The following ATP2B4 variants were observed in gnomAD, a reference collection of about 807,000 sequenced individuals.
ATP2B4 encodes the protein ATPase plasma membrane Ca2+ transporting 4.
A neutral mutation model predicts 110.3 loss-of-function variants in ATP2B4; 39 were observed. That is an observed-to-expected ratio of 0.35 (90% CI 0.27 to 0.46). The LOEUF (loss-of-function observed/expected upper bound fraction) is 0.46, where lower values mean the gene tolerates loss of function less well. Ranked by LOEUF, ATP2B4 falls within the 20% of genes least tolerant of loss-of-function variation. ATP2B4 has a pLI of 1.00. For missense variants in ATP2B4, 1,135 were observed against 1,530.9 expected (o/e 0.74, Z 4.32); for synonymous variants, 538 against 571.7 (o/e 0.94, Z 0.84).
rs1005572250 is a variant in ATP2B4 at position 203,712,222 on chromosome 1, G to A, written c.2211+83G>A. The A allele has an allele frequency of 1.4e-5, 20 of 1,462,332 alleles. No homozygotes were observed. The African/African-American group carries it at 2.3e-4, about 17-fold the overall frequency. 90.6% of individuals were successfully genotyped at this position (1,462,332 alleles called of 1,614,324 possible). Reference sequence around the variant, plus strand: ...GCATAAGGCATCTGGGTCATGTGCGGGAAGGTGGGTGGTTTCTAAAGTGAA... The same window carrying A: ...GCATAAGGCATCTGGGTCATGTGCGAGAAGGTGGGTGGTTTCTAAAGTGAA... On this transcript the variant is annotated intron_variant, in intron 13 of 20. Transcript: ENST00000357681.
rs755589608 is a variant in ATP2B4 at position 203,717,279 on chromosome 1, TG to T, written c.2406+3003del. On this transcript the variant is annotated intron_variant, in intron 15 of 20. Transcript: ENST00000357681. ...CTACCTGAAAGGTAGGTTTTTGGTT[TG>T]TTTTTTAATTACTGGTTTTTTTTAA... Among the ~76,000 whole-genome samples the T allele has an allele frequency of 5.6e-4, 83 of 147,646 alleles. 1 individual carries two copies. Among genetic ancestry groups the T allele is most frequent in the Middle Eastern group, 3.4e-3 (1 of 292 alleles).
chr1:203,728,821 C>T (rs1178260869), intron 20 of ATP2B4, among the ~76,000 whole-genome samples: 2 of 151,032 alleles, frequency 1.3e-5, no homozygotes, highest in African/African-American at 4.9e-5. Context: ...TGCGCCATTG[C>T]ACTCCAGCCT....
chr1:203,707,109 C>T lies in ATP2B4; in HGVS notation c.1200C>T (p.Pro400=). 1 of 1,614,170 alleles carries T rather than the reference C, an allele frequency of 6.2e-7. No individual in the cohort carries two copies. The highest frequency in any genetic ancestry group is 1.3e-5 in the African/African-American group (1 of 75,044). ...GACCATGGCTCCCTGAGTGTACTCC[C>T]ATCTACATCCAGTACTTTGTCAAGT... The part of the protein sequence containing the change: ...NRRPWLPECT[P]IYIQYFVKFF... Residue 400 remains proline, a synonymous_variant, in exon 9 of 21, where the codon CCC becomes CCT. Transcript: ENST00000357681.
intron 13 of ATP2B4, 23 bp from the exon 14 acceptor site, chr1:203,713,142 C>T (rs200938746): frequency 6.2e-7 from 1 of 1,613,618 alleles, no homozygotes; most frequent in Admixed American, 1.7e-5. Context: ...TTGACTGATC[C>T]AGGTGTGGTC....
intron 19 of ATP2B4, among the ~76,000 whole-genome samples, chr1:203,725,948 A>G (rs1280094051): frequency 1.7e-5 from 2 of 119,334 alleles, no homozygotes; most frequent in East Asian, 2.5e-4. Context: ...GTCTCAGGCC[A>G]GGCGCAGTGG....
chr1:203,719,325 A>ATTGCCT (rs11281859), intron 15 of ATP2B4, among the ~76,000 whole-genome samples: 29,162 of 151,172 alleles, frequency 0.19, 3,348 homozygotes, highest in East Asian at 0.59. Flanking sequence ...TTCCACCCTC[A>ATTGCCT]TTGCCTTTGC....
At position 203,629,958 on chromosome 1, in the gene ATP2B4, C is replaced by T. The variant is rs1190220053; in HGVS notation, c.-465+2739C>T. 1.3e-5 allele frequency among the ~76,000 whole-genome samples: 2 copies of T among 152,162 alleles called. No homozygotes were observed. Among genetic ancestry groups the T allele is most frequent in the African/African-American group, 4.8e-5 (2 of 41,440 alleles). ...GCCTGACGCCAGCGAGTTCCTAACCCGCCGTCTGGCCTCCAGTTTCCCCTC... is the reference window on the plus strand; with the variant it reads ...GCCTGACGCCAGCGAGTTCCTAACCTGCCGTCTGGCCTCCAGTTTCCCCTC... On this transcript the variant is annotated intron_variant, in intron 1 of 20. Coordinates refer to ENST00000357681, the MANE Select transcript of ATP2B4 (RefSeq NM_001684.5). The surrounding 1 kb of genome is among the most constrained non-coding windows in gnomAD (Gnocchi z 4.6).
At chr1:203,733,688 G>A (rs867530856) in intron 20 of ATP2B4, 70 of 362,730 alleles carry the variant, frequency 1.9e-4, no homozygotes, top group African/African-American at 1.3e-3. Context: ...CTTGAGTTTT[G>A]TTTTGTTTTG....
chr1:203,677,100 C>T (rs1664850857), intron 1 of ATP2B4, among the ~76,000 whole-genome samples: 1 of 152,038 alleles, frequency 6.6e-6, no homozygotes, highest in Non-Finnish European at 1.5e-5. Context: ...ATCTGGCTCT[C>T]TGAATCTATA....
At chr1:203,631,398 C>T (rs1663260820) in intron 1 of ATP2B4, among the ~76,000 whole-genome samples, 1 of 152,214 alleles carries the variant, frequency 6.6e-6, no homozygotes, top group African/African-American at 2.4e-5. Flanking sequence ...CTAAGACCCC[C>T]TTCCTCTTGC....
intron 1 of ATP2B4, among the ~76,000 whole-genome samples, chr1:203,638,825 G>T (rs753819610): frequency 6.6e-6 from 1 of 152,158 alleles, no homozygotes; most frequent in Non-Finnish European, 1.5e-5. Context: ...AACCATAAAG[G>T]TGCTGGTGGC....
rs531040097 is a variant in ATP2B4 at position 203,707,088 on chromosome 1, A to G, written c.1179A>G (p.Pro393=). The G allele has an allele frequency of 1.6e-5, 26 of 1,614,156 alleles. No individual in the cohort carries two copies. In the South Asian group the frequency reaches 2.2e-4, roughly 14 times the overall value. ...ACAACTTTGTGATAAATCGCAGACC[A>G]TGGCTCCCTGAGTGTACTCCCATCT... ...VIDNFVINRR[P]WLPECTPIYI... Residue 393 remains proline (P), a synonymous_variant, in exon 9 of 21, where the codon CCA becomes CCG. Transcript: ENST00000357681.
intron 20 of ATP2B4, chr1:203,729,669 C>T (rs1378044421): frequency 8.0e-7 from 1 of 1,255,952 alleles, no homozygotes; most frequent in Admixed American, 1.9e-5. Context: ...GGCTGCCTCA[C>T]CTATCCAGGG....
chr1:203,693,297 A>G (rs1316995191), intron 2 of ATP2B4, among the ~76,000 whole-genome samples: 2 of 152,154 alleles, frequency 1.3e-5, no homozygotes, highest in East Asian at 3.9e-4. Flanking sequence ...CCAGTCCCAC[A>G]TGGCTTTCCC....
chr1:203,680,608 C>A (rs199705042), intron 1 of ATP2B4, among the ~76,000 whole-genome samples: 422 of 130,594 alleles, frequency 3.2e-3, no homozygotes, highest in Admixed American at 4.0e-3. Context: ...GACTCCGTCT[C>A]AAAAAAAAAA....
intron 1 of ATP2B4, among the ~76,000 whole-genome samples, chr1:203,654,741 G>A (rs1279791849): frequency 6.6e-6 from 1 of 152,098 alleles, no homozygotes; most frequent in East Asian, 1.9e-4. Context: ...GAAAAAGTTA[G>A]TCAGGCATGG....
intron 1 of ATP2B4, among the ~76,000 whole-genome samples, chr1:203,674,017 G>A (rs1203714515): frequency 6.6e-6 from 1 of 152,176 alleles, no homozygotes; most frequent in Non-Finnish European, 1.5e-5. Context: ...AGCCACAGCA[G>A]CCCCAAGAAA....
intron 2 of ATP2B4, 21 bp downstream of exon 2, chr1:203,683,419 G>T: frequency 1.7e-5 from 27 of 1,570,506 alleles, no homozygotes; most frequent in Non-Finnish European, 2.3e-5. Context: ...TATCAGGGGT[G>T]GGGAGTTGGA....
rs1356539995 is a variant in ATP2B4, at chr1:203,700,650, C to G, written c.776-148C>G. On this transcript the variant is annotated intron_variant, in intron 5 of 20. Transcript: ENST00000357681. Reference sequence around the variant, plus strand: ...TTGTCTGGTCTGTTTTAAATGCGCCCAGCTCTTGACCTTTTCCTACTGTGC... The same window carrying G: ...TTGTCTGGTCTGTTTTAAATGCGCCGAGCTCTTGACCTTTTCCTACTGTGC... The G allele has an allele frequency of 2.6e-6, 3 of 1,172,468 alleles. No homozygotes were observed. The South Asian group carries it at 4.7e-5, about 18-fold the overall frequency. The allele number at this position is 1,172,468 out of a possible 1,614,324, so 72.6% of individuals were successfully genotyped here.
Sources: gnomAD v4.1 joint callset for allele counts (sites outside exome capture counted in the v4.1 genomes callset) on GRCh38, gnomAD v4.1.1 for gene constraint, Gnocchi (gnomAD v3.1) non-coding constraint, MANE v1.5 for transcripts, NCBI Gene and HGNC (gene_info 2026-07-23, HGNC 2026-07-21) for gene names.